The following MYO3B variants were observed in gnomAD, a reference collection of about 807,000 sequenced individuals.
MYO3B encodes the protein myosin-IIIb.
A neutral mutation model predicts 174.6 loss-of-function variants in MYO3B; 156 were observed. That is an observed-to-expected ratio of 0.89 (90% CI 0.78 to 1.02). The LOEUF is 1.02. MYO3B is among the 50% of genes least tolerant of loss of function. The pLI is 0.00. For synonymous variants in MYO3B, 563 were observed against 569.1 expected (o/e 0.99, Z 0.15); for missense variants, 1,632 against 1,639.4 (o/e 1.00, Z 0.08).
intron 21 of MYO3B, among the ~76,000 whole-genome samples, chr2:170,406,505 A>C (rs1374747621): frequency 6.6e-6 from 1 of 152,072 alleles, no homozygotes; most frequent in Non-Finnish European, 1.5e-5. Flanking sequence ...TAGACATTGC[A>C]ATTCAGTTTT....
intron 22 of MYO3B, among the ~76,000 whole-genome samples, chr2:170,439,044 C>T (rs540018635): frequency 1.3e-5 from 2 of 148,652 alleles, no homozygotes; most frequent in East Asian, 2.0e-4. Context: ...CCTTCTTTGG[C>T]GATATGTGTA....
At chr2:170,360,133 ACAGATTGTT>A (rs2094150145) in intron 8 of MYO3B, among the ~76,000 whole-genome samples, 1 of 152,194 alleles carries the variant, frequency 6.6e-6, no homozygotes, top group Admixed American at 6.5e-5. Flanking sequence ...GCACTGTGGA[ACAGATTGTT>A]CATTTCTGTT....
chr2:170,419,785 C>T (rs1025167519), intron 22 of MYO3B, among the ~76,000 whole-genome samples: 1 of 152,022 alleles, frequency 6.6e-6, no homozygotes, highest in African/African-American at 2.4e-5. Flanking sequence ...AGAAGGTGAG[C>T]GGAGAGAAGA....
At chr2:170,512,522 C>T (rs1316356591) in intron 28 of MYO3B, among the ~76,000 whole-genome samples, 1 of 152,134 alleles carries the variant, frequency 6.6e-6, no homozygotes, top group African/African-American at 2.4e-5. Flanking sequence ...AGGGCAGGAA[C>T]GTTTACCCAG....
At chr2:170,354,552 A>G (rs1404939787) in intron 8 of MYO3B, among the ~76,000 whole-genome samples, 1 of 152,234 alleles carries the variant, frequency 6.6e-6, no homozygotes, top group African/African-American at 2.4e-5. Context: ...ATAACCATTC[A>G]GAAACCCATG....
At chr2:170,401,778 C>A in intron 18 of MYO3B, 87 bp downstream of exon 18, 1 of 1,154,248 alleles carries the variant, frequency 8.7e-7, no homozygotes. Flanking sequence ...GCATTTGGTC[C>A]TCTCTGGGAT....
intron 8 of MYO3B, chr2:170,337,965 A>T (rs2093956220): frequency 6.6e-6 from 1 of 152,192 alleles, no homozygotes; most frequent in Non-Finnish European, 1.5e-5. Flanking sequence ...CAGGGTTAGC[A>T]GAGGTGGAAG....
At chr2:170,336,275 G>A (rs1181489971) in intron 8 of MYO3B, among the ~76,000 whole-genome samples, 1 of 151,672 alleles carries the variant, frequency 6.6e-6, no homozygotes, top group African/African-American at 2.4e-5. Context: ...ATGAAACAAG[G>A]TGTTCAGAGG....
At chr2:170,294,112 A>G (rs998976407) in intron 7 of MYO3B, among the ~76,000 whole-genome samples, 10 of 152,146 alleles carry the variant, frequency 6.6e-5, no homozygotes, top group Non-Finnish European at 1.5e-4. Flanking sequence ...CGTCTTACCT[A>G]GAACAGAACC....
intron 7 of MYO3B, among the ~76,000 whole-genome samples, chr2:170,316,359 A>G (rs1568270): frequency 0.5 from 75,514 of 152,074 alleles, 19,578 homozygotes; most frequent in Middle Eastern, 0.67. Context: ...TGGTCTTTAA[A>G]TGAATCATTT....
At chr2:170,289,210 A>G (rs571320759) in intron 7 of MYO3B, among the ~76,000 whole-genome samples, 3 of 152,154 alleles carry the variant, frequency 2.0e-5, no homozygotes, top group South Asian at 4.1e-4. Context: ...TATCAAGGTG[A>G]TGCTGTCCTT....
intron 8 of MYO3B, among the ~76,000 whole-genome samples, chr2:170,356,652 G>A (rs941577623): frequency 1.9e-4 from 29 of 151,672 alleles, no homozygotes; most frequent in Admixed American, 1.4e-3. Flanking sequence ...GTGAGCCACC[G>A]CACCTGGCTG....
At chr2:170,617,259 C>T (rs1021831779) in intron 32 of MYO3B, among the ~76,000 whole-genome samples, 2 of 152,094 alleles carry the variant, frequency 1.3e-5, no homozygotes, top group Non-Finnish European at 2.9e-5. Flanking sequence ...TTGTTAATAA[C>T]ATGGATAAAG....
At chr2:170,357,858 A>G (rs2094133989) in intron 8 of MYO3B, among the ~76,000 whole-genome samples, 1 of 152,242 alleles carries the variant, frequency 6.6e-6, no homozygotes, top group Non-Finnish European at 1.5e-5. Flanking sequence ...ATAGCTTAAA[A>G]GTAGAAACAA....
intron 9 of MYO3B, among the ~76,000 whole-genome samples, chr2:170,372,142 A>AAC (rs2094253186): frequency 1.3e-5 from 2 of 149,116 alleles, no homozygotes; most frequent in Non-Finnish European, 3.0e-5. Flanking sequence ...AAAAAAAAAA[A>AAC]AAACAACAAC....
At chr2:170,651,481 C>A in intron 32 of MYO3B, 147 bp from the exon 33 acceptor site, 2 of 636,472 alleles carry the variant, frequency 3.1e-6, no homozygotes, top group Non-Finnish European at 2.8e-6. Flanking sequence ...TTTAGGATGG[C>A]ATTTCTCCTA....
At chr2:170,236,199 TA>T (rs2093068406) in intron 7 of MYO3B, 63 bp downstream of exon 7, 2 of 1,592,174 alleles carry the variant, frequency 1.3e-6, no homozygotes, top group Admixed American at 1.7e-5. Flanking sequence ...GTTAGAGGGA[TA>T]ATAAATAGTT....
intron 7 of MYO3B, among the ~76,000 whole-genome samples, chr2:170,266,734 A>G (rs911896082): frequency 1.3e-5 from 2 of 152,226 alleles, no homozygotes; most frequent in Non-Finnish European, 2.9e-5. Context: ...TTGAAAGTCA[A>G]TAAAAGCTGT....
intron 22 of MYO3B, among the ~76,000 whole-genome samples, chr2:170,416,857 T>C (rs2094583695): frequency 7.2e-6 from 1 of 139,086 alleles, no homozygotes; most frequent in African/African-American, 2.7e-5. Flanking sequence ...GGAGTCTCGC[T>C]CTGTTGCCCG....
Sources: gnomAD v4.1 joint callset for allele counts (sites outside exome capture counted in the v4.1 genomes callset) on GRCh38, gnomAD v4.1.1 for gene constraint, MANE v1.5 for transcripts, NCBI Gene and HGNC (gene_info 2026-07-23, HGNC 2026-07-21) for gene names.